MAGI2: variants seen among roughly 807,000 people sequenced by gnomAD.
The protein encoded by MAGI2 is membrane associated guanylate kinase, WW and PDZ domain containing 2.
A neutral mutation model predicts 133.3 loss-of-function variants in MAGI2; 35 were observed. The ratio of observed to expected loss-of-function variants is 0.26; its 90% CI spans 0.20 to 0.35. MAGI2 has a LOEUF of 0.35. Ranked by LOEUF, MAGI2 falls within the 10% of genes least tolerant of loss-of-function variation. MAGI2 has a pLI of 1.00. For synonymous variants in MAGI2, 729 were observed against 710.6 expected, an observed-to-expected ratio of 1.03 and a Z score of -0.41; for missense variants, 1,636 against 1,863.4, an observed-to-expected ratio of 0.88 and a Z score of 2.25.
chr7:79,375,559 G>T (rs534305160), intron 1 of MAGI2, among the ~76,000 whole-genome samples: 2 of 149,602 alleles, frequency 1.3e-5, no homozygotes, highest in South Asian at 2.1e-4. Context: ...TAACATTTTA[G>T]CTGTAACAGT....
In MAGI2 at chr7:78,208,278, G is replaced by C. The variant is rs142923602; in HGVS notation, c.2048-7085C>G. Reference sequence around the variant, plus strand: ...TTTTCAAACAGCCATTTCTCCCCTGGCTTTGTTCCTTATGGAGAGAGCCAT... The same window carrying C: ...TTTTCAAACAGCCATTTCTCCCCTGCCTTTGTTCCTTATGGAGAGAGCCAT... On this transcript the variant is annotated intron_variant, in intron 10 of 21. Coordinates refer to ENST00000354212, the MANE Select transcript of MAGI2 (RefSeq NM_012301.4). Among the ~76,000 whole-genome samples, 1,269 of 151,974 alleles carry C rather than the reference G, an allele frequency of 8.4e-3. 13 individuals carry two copies. Among genetic ancestry groups the C allele is most frequent in the African/African-American group, 0.029 (1,210 of 41,430 alleles).
At chr7:78,300,456 AC>A (rs1797729486) in intron 9 of MAGI2, among the ~76,000 whole-genome samples, 1 of 152,210 alleles carries the variant, frequency 6.6e-6, no homozygotes, top group African/African-American at 2.4e-5. Flanking sequence ...ACCATAAACA[AC>A]GTGAAATTTC....
At chr7:78,445,608 T>C (rs10259327) in intron 6 of MAGI2, among the ~76,000 whole-genome samples, 144,861 of 152,160 alleles carry the variant, frequency 0.95, 69,056 homozygotes, top group East Asian at 0.98. Flanking sequence ...CCACAAAAGT[T>C]TAGGTTCACC....
chr7:79,081,289 G>A (rs564644370), intron 1 of MAGI2, among the ~76,000 whole-genome samples: 6 of 152,104 alleles, frequency 3.9e-5, no homozygotes, highest in Admixed American at 2.6e-4. Flanking sequence ...CCCATGGCAC[G>A]CAAGAATTCA....
At chr7:78,573,041 A>G (rs1340107308) in intron 3 of MAGI2, among the ~76,000 whole-genome samples, 473 of 37,916 alleles carry the variant, frequency 0.012, 2 homozygotes, top group African/African-American at 0.033. Flanking sequence ...GTATGTATAT[A>G]TATATATATA....
intron 2 of MAGI2, among the ~76,000 whole-genome samples, chr7:78,813,091 A>G (rs1217521008): frequency 1.3e-5 from 2 of 152,184 alleles, no homozygotes; most frequent in African/African-American, 4.8e-5. Context: ...AAACAGTGGC[A>G]GTCCCAGATG....
chr7:78,879,418 T>C (rs1795673182), intron 2 of MAGI2, among the ~76,000 whole-genome samples: 1 of 152,078 alleles, frequency 6.6e-6, no homozygotes, highest in South Asian at 2.1e-4. Context: ...GGCCTGTAGG[T>C]TGAACTGCAG....
intron 2 of MAGI2, among the ~76,000 whole-genome samples, chr7:78,754,867 C>T (rs139159775): frequency 2.3e-4 from 35 of 152,314 alleles, no homozygotes; most frequent in Non-Finnish European, 4.4e-4. Context: ...AGAATGAAGG[C>T]AAATATCCTG....
chr7:78,678,332 G>T (rs1815273146), intron 2 of MAGI2, among the ~76,000 whole-genome samples: 1 of 151,982 alleles, frequency 6.6e-6, no homozygotes. Context: ...TCATGAAAAG[G>T]GCTCATCATC....
Position 79,072,839 on chromosome 7 carries a change from A to G in MAGI2, c.302-65633T>C, listed in dbSNP as rs184064471. On this transcript the variant is annotated intron_variant, in intron 1 of 21. Coordinates refer to ENST00000354212, the MANE Select transcript of MAGI2 (RefSeq NM_012301.4). ...CAGAAATGCTTTGTAAAACTATATA[A>G]TGAAGTGCAACTCTTAGCAGCTGCC... is the stretch of plus-strand genomic sequence containing the variant. 9.1e-4 allele frequency among the ~76,000 whole-genome samples: 138 copies of G among 152,332 alleles called. 2 individuals are homozygous for G. Among genetic ancestry groups the G allele is most frequent in the African/African-American group, 3.1e-3 (130 of 41,588 alleles).
intron 8 of MAGI2, among the ~76,000 whole-genome samples, chr7:78,345,216 A>T (rs1049021901): frequency 6.6e-6 from 1 of 152,202 alleles, no homozygotes; most frequent in East Asian, 1.9e-4. Context: ...TATCAAATTA[A>T]TGTTTATAGT....
chr7:79,203,646 G>A (rs569537158), intron 1 of MAGI2, among the ~76,000 whole-genome samples: 4 of 151,856 alleles, frequency 2.6e-5, no homozygotes, highest in African/African-American at 4.8e-5. Flanking sequence ...TATGTTGTAC[G>A]TTTATATATA....
intron 1 of MAGI2, among the ~76,000 whole-genome samples, chr7:79,328,502 G>C (rs918751609): frequency 1.3e-5 from 2 of 151,958 alleles, no homozygotes; most frequent in African/African-American, 4.8e-5. Context: ...GTAAGCATAG[G>C]GATCAAAAGA....
intron 21 of MAGI2, among the ~76,000 whole-genome samples, chr7:78,048,534 T>A (rs2151101750): frequency 6.6e-6 from 1 of 152,236 alleles, no homozygotes; most frequent in African/African-American, 2.4e-5. Flanking sequence ...TATATAAAAA[T>A]GTATGATCTG....
intron 2 of MAGI2, among the ~76,000 whole-genome samples, chr7:78,810,092 A>G (rs1002966458): frequency 6.6e-6 from 1 of 152,198 alleles, no homozygotes; most frequent in African/African-American, 2.4e-5. Context: ...TCTTTAGGTC[A>G]CATGGAAGGT....
chr7:79,207,241 C>T (rs1829132086), intron 1 of MAGI2, among the ~76,000 whole-genome samples: 1 of 151,860 alleles, frequency 6.6e-6, no homozygotes, highest in South Asian at 2.1e-4. Flanking sequence ...AAGAGAATTA[C>T]ATAAAAGTGA....
intron 3 of MAGI2, among the ~76,000 whole-genome samples, chr7:78,573,321 AATATAT>A (rs1233957871): frequency 1.9e-5 from 1 of 51,426 alleles, no homozygotes; most frequent in Non-Finnish European, 3.2e-5. Flanking sequence ...TAAATATATA[AATATAT>A]ATATAAATAT....
At chr7:79,217,644 A>C (rs1830120958) in intron 1 of MAGI2, among the ~76,000 whole-genome samples, 1 of 152,072 alleles carries the variant, frequency 6.6e-6, no homozygotes, top group African/African-American at 2.4e-5. Context: ...TCATTAGAAT[A>C]GTTTCTGTGC....
chr7:78,125,447 T>C (rs1820885655), intron 20 of MAGI2, among the ~76,000 whole-genome samples: 1 of 152,226 alleles, frequency 6.6e-6, no homozygotes, highest in African/African-American at 2.4e-5. Context: ...ATTTCTTTCA[T>C]TTGCTCTTTA....
Sources: allele counts gnomAD v4.1 joint callset (sites outside exome capture counted in the v4.1 genomes callset), GRCh38; gene constraint gnomAD v4.1.1; transcripts MANE v1.5; gene names NCBI Gene and HGNC (gene_info 2026-07-23, HGNC 2026-07-21).